The following TMOD4 variants were observed in gnomAD, a reference collection of about 807,000 sequenced individuals.
The protein encoded by TMOD4 is tropomodulin-4.
Under a neutral mutation model 45.4 loss-of-function variants are expected in TMOD4, and 34 were observed. The observed-to-expected ratio is 0.75, with a 90% CI of 0.57 to 1.00. The LOEUF (loss-of-function observed/expected upper bound fraction) is 1.00. Among genes scored for constraint, TMOD4 ranks in the 50% least tolerant of loss-of-function variants. TMOD4 has a pLI of 0.00. For synonymous variants in TMOD4, 131 were observed against 153.9 expected (o/e 0.85, Z 1.10); for missense variants, 399 against 437.5 (o/e 0.91, Z 0.78).
At chr1:151,172,245 C>T (rs374602711) in intron 5 of TMOD4, 23 bp downstream of exon 5, 96 of 1,573,780 alleles carry the variant, frequency 6.1e-5, no homozygotes, top group Non-Finnish European at 8.3e-5. Flanking sequence ...GCCCTGGGGA[C>T]CATGCTCCCC....
intron 8 of TMOD4, 29 bp downstream of exon 8, chr1:151,170,891 T>C: frequency 1.2e-6 from 2 of 1,611,678 alleles, no homozygotes; most frequent in Non-Finnish European, 1.7e-6. Context: ...TGAGACTGAA[T>C]GCTAACATCA....
intron 3 of TMOD4, among the ~76,000 whole-genome samples, chr1:151,174,109 G>A (rs967511467): frequency 2.0e-5 from 3 of 152,134 alleles, no homozygotes; most frequent in Non-Finnish European, 4.4e-5. Context: ...CCAGCTACTC[G>A]GGGGGCTGAG....
At position 151,172,275 on chromosome 1, in the gene TMOD4, G is replaced by A. The variant is rs1348092230; in HGVS notation, c.480C>T (p.Gly160=). 5.6e-6 allele frequency: 9 copies of A among 1,612,678 alleles called. No homozygotes were observed. Among genetic ancestry groups the A allele is most frequent in the African/African-American group, 1.3e-5 (1 of 74,872 alleles). Reference sequence around the variant, plus strand: ...CTCCCCAAACACACTCACTGCTAATGCCTTCAGTGTTGCAGATTTCTCCAC... The same window carrying A: ...CTCCCCAAACACACTCACTGCTAATACCTTCAGTGTTGCAGATTTCTCCAC... ...LCSGEICNTE[G]ISSVVQPDKY... is the part of the protein sequence containing the mutation. Residue 160 remains glycine (G), a synonymous_variant, in exon 5 of 10, where the codon GGC becomes GGT. Coordinates refer to ENST00000295314, the MANE Select transcript of TMOD4 (RefSeq NM_013353.3).
In TMOD4 at chr1:151,174,457, A is replaced by C. The variant is rs1572086526; in HGVS notation, c.214T>G (p.Leu72Val). ...TTGACTTCTAGTGCCTGTTGCTCCA[A>C]GTACTGCAAAAGGGCCTCTCGGTCC... Reference protein sequence around the residue: ...PLDREALLQYLEQQALEVKER... With the variant: ...PLDREALLQYVEQQALEVKER... The change falls in exon 3 of 10, where the codon TTG becomes GTG. Residue 72 changes from leucine (L) to valine (V), a missense_variant. Physicochemically the swap from Leu to Val is conservative, Grantham distance 32. Coordinates refer to ENST00000295314, the MANE Select transcript of TMOD4 (RefSeq NM_013353.3). 6.2e-7 allele frequency: 1 copy of C among 1,614,058 alleles called. No homozygotes were observed. The highest frequency in any genetic ancestry group is 1.3e-5 in the African/African-American group (1 of 74,932).
chr1:151,170,481 C>A lies in TMOD4; in HGVS notation c.1015+38G>T, dbSNP rs1325161430. 6 of 1,612,244 alleles carry A rather than the reference C, an allele frequency of 3.7e-6. No individual in the cohort carries two copies. The East Asian group carries it at 1.3e-4, about 36-fold the overall frequency. On this transcript the variant is annotated intron_variant, in intron 9 of 9. Coordinates refer to ENST00000295314, the MANE Select transcript of TMOD4 (RefSeq NM_013353.3). ...GGAGGATCCACCAATTTCTGCACTT[C>A]CCTGACCACTCCACACATCATGTCT... is the stretch of plus-strand genomic sequence containing the variant.
chr1:151,174,651 G>A, intron 2 of TMOD4, 102 bp downstream of exon 2: 1 of 1,595,474 alleles, frequency 6.3e-7, no homozygotes, highest in South Asian at 1.1e-5. Flanking sequence ...GCCTTCTTAG[G>A]ACCCTAGGTC....
In TMOD4 at chr1:151,171,534, G is replaced by T; in HGVS notation, c.625C>A (p.Pro209Thr). 1 of 1,614,108 alleles carries T rather than the reference G, an allele frequency of 6.2e-7. No individual in the cohort carries two copies. The highest frequency in any genetic ancestry group is 8.5e-7 in the Non-Finnish European group (1 of 1,180,000). ...CACAGCTCACTTAGCATGGGTATTG[G>T]GATGTCCTATCGGAGGGGAATAGGA... ...EVNLNNIQDI[P>T]IPMLSELCEA... The change falls in exon 7 of 10, where the codon CCA becomes ACA. Residue 209 changes from proline to threonine, a missense_variant. Pro to Thr is a conservative substitution (Grantham distance 38). Coordinates refer to ENST00000295314, the MANE Select transcript of TMOD4 (RefSeq NM_013353.3).
intron 7 of TMOD4, 120 bp downstream of exon 7, chr1:151,171,313 G>A: frequency 1.0e-6 from 1 of 965,418 alleles, no homozygotes; most frequent in Admixed American, 2.0e-5. Flanking sequence ...GAGTCTCCAT[G>A]AGGGCTGCCC....
At chr1:151,175,839 CCACAT>C (rs929615834) in intron 1 of TMOD4, 80 bp downstream of exon 1, 6 of 152,200 alleles carry the variant, frequency 3.9e-5, no homozygotes, top group Non-Finnish European at 7.3e-5. Context: ...GGGACACACT[CCACAT>C]CATTCCCCAT....
chr1:151,171,838 CTTTTTTTTTT>C (rs200165349), intron 5 of TMOD4, 75 bp from the exon 6 acceptor site: 4 of 1,300,280 alleles, frequency 3.1e-6, no homozygotes, highest in Non-Finnish European at 4.1e-6. Context: ...CTTTTCTTTT[CTTTTTTTTTT>C]TTTTTGAGAT....
rs368116311 is a variant in TMOD4, at chr1:151,174,836, T to G, written c.40A>C (p.Ile14Leu). 3.1e-6 allele frequency: 5 copies of G among 1,614,118 alleles called. No homozygotes were observed. In the African/African-American group the frequency reaches 6.7e-5, roughly 22 times the overall value. Residue 14 changes from isoleucine to leucine, a missense_variant, in exon 2 of 10, where the codon ATA becomes CTA. Transcript: ENST00000295314. Reference protein sequence around the residue: ...YQKELEKYRDIDEDEILRTLS... With the variant: ...YQKELEKYRDLDEDEILRTLS... ...GTCCTTAGGATCTCATCTTCATCTATGTCTCTGTATTTCTCCAGTTCCTTC... is the reference window on the plus strand; with the variant it reads ...GTCCTTAGGATCTCATCTTCATCTAGGTCTCTGTATTTCTCCAGTTCCTTC...
chr1:151,171,809 TCTC>T (rs763848716), intron 5 of TMOD4, 46 bp from the exon 6 acceptor site: 2 of 1,577,762 alleles, frequency 1.3e-6, no homozygotes, highest in South Asian at 2.4e-5. Context: ...TTCCCCATAA[TCTC>T]CTCCCCATTG....
Position 151,171,013 on chromosome 1 carries a change from G to C in TMOD4, c.777C>G (p.Ile259Met). The C allele has an allele frequency of 6.2e-7, 1 of 1,614,144 alleles. No individual in the cohort carries two copies. The highest frequency in any genetic ancestry group is 1.1e-5 in the South Asian group (1 of 91,084). The change falls in exon 8 of 10, where the codon ATC becomes ATG. Residue 259 changes from isoleucine (I) to methionine (M), a missense_variant. Physicochemically the swap from Ile to Met is conservative, Grantham distance 10. Coordinates refer to ENST00000295314, the MANE Select transcript of TMOD4 (RefSeq NM_013353.3). ...RENRSLQSLN[I>M]ESNFISSTGL... is the part of the protein sequence containing the mutation. The stretch of plus-strand genomic sequence containing the variant: ...CTGTGCTGCTAATGAAGTTGGATTC[G>C]ATGTTTAGGCTCTGGAGGCTACGAT...
intron 9 of TMOD4, 48 bp downstream of exon 9, chr1:151,170,471 T>C: frequency 1.2e-6 from 2 of 1,607,226 alleles, no homozygotes; most frequent in Non-Finnish European, 1.7e-6. Flanking sequence ...ATCCACCAAT[T>C]TCTGCACTTC....
At chr1:151,170,487 C>G in intron 9 of TMOD4, 32 bp downstream of exon 9, 1 of 1,612,858 alleles carries the variant, frequency 6.2e-7, no homozygotes, top group Non-Finnish European at 8.5e-7. Flanking sequence ...ACTTCCCTGA[C>G]CACTCCACAC....
At chr1:151,170,704 GGGCTGT>G (rs1236266585) in intron 8 of TMOD4, 41 bp from the exon 9 acceptor site, 1 of 1,610,034 alleles carries the variant, frequency 6.2e-7, no homozygotes, top group African/African-American at 1.3e-5. Flanking sequence ...CACCCTCTCT[GGGCTGT>G]TTACCATCCC....
chr1:151,172,639 T>C (rs947898686), intron 4 of TMOD4, among the ~76,000 whole-genome samples: 3 of 151,898 alleles, frequency 2.0e-5, no homozygotes, highest in African/African-American at 7.3e-5. Context: ...TGGTTCCACT[T>C]TTTTTCCCCC....
At chr1:151,173,944 G>A (rs1279215860) in intron 3 of TMOD4, among the ~76,000 whole-genome samples, 4 of 150,618 alleles carry the variant, frequency 2.7e-5, no homozygotes, top group South Asian at 2.1e-4. Flanking sequence ...GGCCGGGCAC[G>A]GTGGCTCATG....
rs587741136 is a variant in TMOD4, at chr1:151,175,077, G to A, written c.-42-160C>T. On this transcript the variant is annotated intron_variant, in intron 1 of 9. Coordinates refer to ENST00000295314, the MANE Select transcript of TMOD4 (RefSeq NM_013353.3). ...AGTGGGGAAGATTAGGTTGTTTAGA[G>A]TTAGAACTAGAGTCTCCTTTCTGCT... 27 of 597,588 alleles carry A rather than the reference G, an allele frequency of 4.5e-5. No individual in the cohort carries two copies. In the South Asian group the frequency reaches 5.5e-4, roughly 12 times the overall value. 37.0% of individuals were successfully genotyped at this position (597,588 alleles called of 1,614,324 possible). A position where few individuals can be genotyped will look rare whatever the true frequency, so the allele number is the denominator to read the frequency against.
Sources: gnomAD v4.1 joint callset for allele counts (sites outside exome capture counted in the v4.1 genomes callset) on GRCh38, gnomAD v4.1.1 for gene constraint, MANE v1.5 for transcripts, NCBI Gene and HGNC (gene_info 2026-07-23, HGNC 2026-07-21) for gene names.